DPY19L3: variants seen among roughly 807,000 people sequenced by gnomAD.
The protein encoded by DPY19L3 is dpy-19 like C-mannosyltransferase 3.
DPY19L3 carries 51 observed loss-of-function variants against 92.3 expected under a neutral mutation model. The ratio of observed to expected loss-of-function variants is 0.55; its 90% CI spans 0.44 to 0.70. The LOEUF is 0.70. Among genes scored for constraint, DPY19L3 ranks in the 30% least tolerant of loss-of-function variants. DPY19L3 has a pLI of 0.00. For synonymous variants in DPY19L3, 309 were observed against 315.2 expected (o/e 0.98, Z 0.21); for missense variants, 706 against 855.9 (o/e 0.82, Z 2.18).
rs1401905757 is a variant in DPY19L3 at position 32,485,758 on chromosome 19, G to T, written c.*3518G>T. 1 of 152,168 alleles carries T rather than the reference G, an allele frequency of 6.6e-6. No individual in the cohort carries two copies. Among genetic ancestry groups the T allele is most frequent in the Non-Finnish European group, 1.5e-5 (1 of 68,026 alleles). The allele number at this position is 152,168 out of a possible 1,614,324, so 9.4% of individuals were successfully genotyped here. ...GGAAAAAAGCTTTTGAGATGAGAGG[G>T]TGTCTTACTTTCTTGTGGCAATTGA... On this transcript the variant is annotated 3_prime_UTR_variant, in exon 19 of 19. Transcript: ENST00000392250.
chr19:32,444,525 T>A (rs1188780088), intron 8 of DPY19L3, among the ~76,000 whole-genome samples: 1 of 151,796 alleles, frequency 6.6e-6, no homozygotes, highest in Admixed American at 6.6e-5. Context: ...AAGAAAAGAG[T>A]TTACTGAAGC....
At chr19:32,476,591 G>A (rs964301631) in intron 16 of DPY19L3, among the ~76,000 whole-genome samples, 1 of 150,258 alleles carries the variant, frequency 6.7e-6, no homozygotes, top group Non-Finnish European at 1.5e-5. Flanking sequence ...CTTTTTTCCA[G>A]GGAGGAAAAA....
chr19:32,437,286 C>T lies in DPY19L3; in HGVS notation c.543C>T (p.Leu181=), dbSNP rs138195724. 30 of 1,613,984 alleles carry T rather than the reference C, an allele frequency of 1.9e-5. No individual in the cohort carries two copies. In the African/African-American group the frequency reaches 3.1e-4, roughly 17 times the overall value. ...CTCTCTACATAACCAGCTGGCTACTCAGTGGTACATGGCTGTCAGGACTGT... is the reference window on the plus strand; with the variant it reads ...CTCTCTACATAACCAGCTGGCTACTTAGTGGTACATGGCTGTCAGGACTGT... ...VTALYITSWL[L]SGTWLSGLLA... The change falls in exon 6 of 19, where the codon CTC becomes CTT. Residue 181 remains leucine (L), a synonymous_variant. Coordinates refer to ENST00000392250, the MANE Select transcript of DPY19L3 (RefSeq NM_001172774.2).
At chr19:32,465,032 T>G (rs1970159531) in intron 15 of DPY19L3, among the ~76,000 whole-genome samples, 1 of 152,236 alleles carries the variant, frequency 6.6e-6, no homozygotes, top group African/African-American at 2.4e-5. Context: ...TGATTTAGAC[T>G]CTTAATATTC....
At chr19:32,478,668 A>G (rs1381979852) in intron 17 of DPY19L3, among the ~76,000 whole-genome samples, 2 of 152,206 alleles carry the variant, frequency 1.3e-5, no homozygotes, top group Non-Finnish European at 2.9e-5. Context: ...GGCATTCTAC[A>G]TTCTGCTTCT....
intron 17 of DPY19L3, chr19:32,479,540 C>G (rs928206700): frequency 5.1e-6 from 2 of 392,958 alleles, no homozygotes; most frequent in African/African-American, 4.2e-5. Context: ...TAACAGCATC[C>G]TACCTCCCTA....
At chr19:32,466,324 CAGA>C (rs1970199072) in intron 15 of DPY19L3, among the ~76,000 whole-genome samples, 1 of 152,196 alleles carries the variant, frequency 6.6e-6, no homozygotes, top group African/African-American at 2.4e-5. Context: ...CCTACCGAAT[CAGA>C]AGCCTGGGAG....
At position 32,466,320 on chromosome 19, in the gene DPY19L3, G is replaced by A. The variant is rs371787090; in HGVS notation, c.1614+1536G>A. On this transcript the variant is annotated intron_variant, in intron 15 of 18. Coordinates refer to ENST00000392250, the MANE Select transcript of DPY19L3 (RefSeq NM_001172774.2). ...GTTTGGGTCCCACTCCAGACCTACC[G>A]AATCAGAAGCCTGGGAGTCCAGTAC... Among the ~76,000 whole-genome samples, 123 of 152,304 alleles carry A rather than the reference G, an allele frequency of 8.1e-4. 2 individuals are homozygous for A. In the South Asian group the frequency reaches 0.024, roughly 30 times the overall value.
chr19:32,444,300 G>A (rs1057270301), intron 8 of DPY19L3, among the ~76,000 whole-genome samples: 49 of 152,236 alleles, frequency 3.2e-4, no homozygotes, highest in African/African-American at 1.2e-3. Flanking sequence ...AAAAATTCCA[G>A]TAATCGAAGT....
chr19:32,431,650 A>T (rs1184985792), intron 3 of DPY19L3, among the ~76,000 whole-genome samples: 1 of 152,240 alleles, frequency 6.6e-6, no homozygotes. Context: ...GATGAAATTC[A>T]TTTATGTTTT....
At chr19:32,445,038 T>G (rs984362953) in intron 8 of DPY19L3, among the ~76,000 whole-genome samples, 6 of 143,146 alleles carry the variant, frequency 4.2e-5, no homozygotes, top group Admixed American at 7.2e-5. Flanking sequence ...ATTGCACCAC[T>G]GCATTCTAAC....
At chr19:32,474,183 GAA>G (rs1403295902) in intron 16 of DPY19L3, among the ~76,000 whole-genome samples, 1 of 152,256 alleles carries the variant, frequency 6.6e-6, no homozygotes, top group African/African-American at 2.4e-5. Context: ...AGTCCTCAGT[GAA>G]AGAGTATGTT....
intron 17 of DPY19L3, 50 bp from the exon 18 acceptor site, chr19:32,480,349 C>A: frequency 6.4e-7 from 1 of 1,569,744 alleles, no homozygotes; most frequent in South Asian, 1.2e-5. Flanking sequence ...AGTTAACTCC[C>A]TGGCAGTCAA....
At chr19:32,415,152 A>G (rs536142302) in intron 3 of DPY19L3, among the ~76,000 whole-genome samples, 68 of 152,374 alleles carry the variant, frequency 4.5e-4, no homozygotes, top group African/African-American at 1.4e-3. Flanking sequence ...CACTCTTGAG[A>G]AGGATACAGG....
chr19:32,406,937 C>T (rs973129523), intron 1 of DPY19L3, among the ~76,000 whole-genome samples: 2 of 151,662 alleles, frequency 1.3e-5, no homozygotes, highest in African/African-American at 4.9e-5. Flanking sequence ...CTCCTCTTCT[C>T]CCTCTCTGTT....
chr19:32,479,783 G>A (rs1176588989), intron 17 of DPY19L3, among the ~76,000 whole-genome samples: 3 of 152,218 alleles, frequency 2.0e-5, no homozygotes, highest in Non-Finnish European at 4.4e-5. Context: ...GGCCTCCTGT[G>A]GCGTTGCCCA....
At chr19:32,470,781 C>CTTTTTTTTTTTTTT (rs71336911) in intron 16 of DPY19L3, among the ~76,000 whole-genome samples, 42 of 91,212 alleles carry the variant, frequency 4.6e-4, no homozygotes, top group East Asian at 7.5e-4. Context: ...ATTCCTTTGG[C>CTTTTTTTTTTTTTT]TTTTTTTTTT....
chr19:32,450,668 C>T (rs1453012035), intron 8 of DPY19L3, among the ~76,000 whole-genome samples: 1 of 152,150 alleles, frequency 6.6e-6, no homozygotes, highest in Non-Finnish European at 1.5e-5. Context: ...ATATGCAAAT[C>T]TGTAGAGAAC....
intron 3 of DPY19L3, among the ~76,000 whole-genome samples, chr19:32,417,079 T>C (rs1410989106): frequency 6.6e-6 from 1 of 152,200 alleles, no homozygotes; most frequent in African/African-American, 2.4e-5. Context: ...CACTTAGAAG[T>C]TCCAAGGATT....
Sources: gnomAD v4.1 joint callset for allele counts (sites outside exome capture counted in the v4.1 genomes callset) on GRCh38, gnomAD v4.1.1 for gene constraint, MANE v1.5 for transcripts, NCBI Gene and HGNC (gene_info 2026-07-23, HGNC 2026-07-21) for gene names.